ESRRB: variants seen among roughly 807,000 people sequenced by gnomAD.
The protein encoded by ESRRB is estrogen related receptor beta.
A neutral mutation model predicts 46.0 loss-of-function variants in ESRRB; 16 were observed. The ratio of observed to expected loss-of-function variants is 0.35; its 90% CI spans 0.24 to 0.53. The LOEUF is 0.53. Ranked by LOEUF, ESRRB falls within the 20% of genes least tolerant of loss-of-function variation. The pLI, the probability that ESRRB is intolerant of heterozygous loss-of-function variation, is 0.93. For synonymous variants in ESRRB, 246 were observed against 259.6 expected (o/e 0.95, Z 0.50); for missense variants, 488 against 607.4 (o/e 0.80, Z 2.07).
intron 1 of ESRRB, among the ~76,000 whole-genome samples, chr14:76,338,299 G>A (rs1388216161): frequency 6.6e-6 from 1 of 152,172 alleles, no homozygotes; most frequent in Admixed American, 6.5e-5. Context: ...CATGGAGCGA[G>A]CACCCAGGCA....
At position 76,376,546 on chromosome 14, in the gene ESRRB, A is replaced by G. The variant is rs1439966926; in HGVS notation, c.50+95A>G. The G allele has an allele frequency of 1.0e-6, 1 of 960,748 alleles. No individual in the cohort carries two copies. The highest frequency in any genetic ancestry group is 4.4e-5 in the Admixed American group (1 of 22,906). 59.5% of individuals were successfully genotyped at this position (960,748 alleles called of 1,614,324 possible). A position where few individuals can be genotyped will look rare whatever the true frequency, so the allele number is the denominator to read the frequency against. On this transcript the variant is annotated intron_variant, in intron 1 of 6. Coordinates refer to ENST00000644823, the MANE Select transcript of ESRRB (RefSeq NM_001379180.1). This position sits in a 1 kb window ranked among gnomAD's most constrained non-coding sequence, Gnocchi z 4.1. ...TTCCTTTTCTGCACATTCTTGTGTAAAAGTGGAAGGGACTTCGGGGGGGCA... is the reference window on the plus strand; with the variant it reads ...TTCCTTTTCTGCACATTCTTGTGTAGAAGTGGAAGGGACTTCGGGGGGGCA...
chr14:76,360,775 A>C (rs1217661896), intron 1 of ESRRB, among the ~76,000 whole-genome samples: 1 of 152,276 alleles, frequency 6.6e-6, no homozygotes, highest in Admixed American at 6.5e-5. Context: ...ACAAGACTTA[A>C]CAGTTGATAG....
rs74894758 is a variant in ESRRB, at chr14:76,326,087, C to A, written c.2+15171C>A. Among the ~76,000 whole-genome samples, 5 of 152,338 alleles carry A rather than the reference C, an allele frequency of 3.3e-5. No homozygotes were observed. In the South Asian group the frequency reaches 8.3e-4, roughly 25 times the overall value. ...CATCCACCACTGACTGCAATCATAT[C>A]TGTGCTCAGGGACCCATGCGTTCTC... is the stretch of plus-strand genomic sequence containing the variant. On this transcript the variant is annotated intron_variant, in intron 1 of 6. Transcript: ENST00000512784.
rs919073721 is a variant in ESRRB, at chr14:76,500,533, G to A, written c.*2075G>A. The A allele has an allele frequency of 1.4e-6, 1 of 714,354 alleles. No homozygotes were observed. The highest frequency in any genetic ancestry group is 2.5e-6 in the Non-Finnish European group (1 of 398,002). 44.3% of individuals were successfully genotyped at this position (714,354 alleles called of 1,614,324 possible). A position where few individuals can be genotyped will look rare whatever the true frequency, so the allele number is the denominator to read the frequency against. Reference sequence around the variant, plus strand: ...GCTCCGGAGAAACCTTCACAGTAGAGACCTTGGGGTGTGTGCTTTGGGACT... The same window carrying A: ...GCTCCGGAGAAACCTTCACAGTAGAAACCTTGGGGTGTGTGCTTTGGGACT... On this transcript the variant is annotated 3_prime_UTR_variant, in exon 7 of 7. Transcript: ENST00000644823.
upstream of ESRRB, among the ~76,000 whole-genome samples, chr14:76,374,961 G>T (rs1884712906): frequency 2.0e-5 from 3 of 152,154 alleles, no homozygotes; most frequent in African/African-American, 7.2e-5. Context: ...CCCTCCTGGG[G>T]TTTCTCACAA....
chr14:76,443,379 G>C (rs1302714251), intron 2 of ESRRB, among the ~76,000 whole-genome samples: 4 of 152,256 alleles, frequency 2.6e-5, no homozygotes, highest in Admixed American at 1.3e-4. Flanking sequence ...GTCTGAGTCT[G>C]GGGGAAGGCC....
intron 2 of ESRRB, among the ~76,000 whole-genome samples, chr14:76,444,555 T>G (rs1305356681): frequency 2.6e-5 from 4 of 151,812 alleles, no homozygotes; most frequent in Non-Finnish European, 4.4e-5. Flanking sequence ...GGTTTTTTTT[T>G]GTTTTGTTTT....
At chr14:76,346,805 G>T (rs1445995566) in intron 1 of ESRRB, among the ~76,000 whole-genome samples, 1 of 152,188 alleles carries the variant, frequency 6.6e-6, no homozygotes. Flanking sequence ...GATCCACCAG[G>T]ATTCTGTAAT....
At chr14:76,493,858 CT>C (rs1890321381) in intron 6 of ESRRB, among the ~76,000 whole-genome samples, 1 of 152,238 alleles carries the variant, frequency 6.6e-6, no homozygotes, top group Non-Finnish European at 1.5e-5. Context: ...TTTGCAGGGC[CT>C]ACCCTCCTCT....
chr14:76,441,029 C>G (rs1164887531), intron 2 of ESRRB, among the ~76,000 whole-genome samples: 1 of 152,146 alleles, frequency 6.6e-6, no homozygotes, highest in Non-Finnish European at 1.5e-5. Flanking sequence ...GCCTGGGCGA[C>G]AGAGTGAGAC....
At chr14:76,318,183 G>GAT (rs1883824154) in intron 1 of ESRRB, among the ~76,000 whole-genome samples, 1 of 152,152 alleles carries the variant, frequency 6.6e-6, no homozygotes, top group Non-Finnish European at 1.5e-5. Flanking sequence ...GTCGCACCTA[G>GAT]GCTTGTACGT....
intron 1 of ESRRB, among the ~76,000 whole-genome samples, chr14:76,336,354 C>T (rs1466948318): frequency 6.6e-6 from 1 of 152,190 alleles, no homozygotes; most frequent in Admixed American, 6.5e-5. Flanking sequence ...GTTCTCCTGG[C>T]CCTGTGTGTC....
At chr14:76,440,297 CATTATT>C (rs1201996204) in intron 2 of ESRRB, among the ~76,000 whole-genome samples, 1 of 151,944 alleles carries the variant, frequency 6.6e-6, no homozygotes, top group African/African-American at 2.4e-5. Context: ...AAGACCCCAT[CATTATT>C]ATTATTATTT....
chr14:76,376,160 T>C lies in ESRRB; in HGVS notation c.-242T>C. 1 of 382,192 alleles carries C rather than the reference T, an allele frequency of 2.6e-6. No individual in the cohort carries two copies. Among genetic ancestry groups the C allele is most frequent in the Non-Finnish European group, 4.6e-6 (1 of 216,176 alleles). 23.7% of individuals were successfully genotyped at this position (382,192 alleles called of 1,614,324 possible). Reference sequence around the variant, plus strand: ...CCAAGTCTCTTGTGCCCCAGCCTCCTCCACGGCTTCGCATCCCCTCTGCCC... The same window carrying C: ...CCAAGTCTCTTGTGCCCCAGCCTCCCCCACGGCTTCGCATCCCCTCTGCCC... On this transcript the variant is annotated 5_prime_UTR_variant, in exon 1 of 7. Coordinates refer to ENST00000644823, the MANE Select transcript of ESRRB (RefSeq NM_001379180.1). This position sits in a 1 kb window ranked among gnomAD's most constrained non-coding sequence, Gnocchi z 4.1.
rs1418594877 is a variant in ESRRB at position 76,482,453 on chromosome 14, G to C, written c.689-145G>C. 2.6e-6 allele frequency: 2 copies of C among 776,356 alleles called. No homozygotes were observed. Among genetic ancestry groups the C allele is most frequent in the African/African-American group, 3.4e-5 (2 of 58,128 alleles). The allele number at this position is 776,356 out of a possible 1,614,324, so 48.1% of individuals were successfully genotyped here. A position where few individuals can be genotyped will look rare whatever the true frequency, so the allele number is the denominator to read the frequency against. On this transcript the variant is annotated intron_variant, in intron 4 of 6. Coordinates refer to ENST00000644823, the MANE Select transcript of ESRRB (RefSeq NM_001379180.1). This position sits in a 1 kb window ranked among gnomAD's most constrained non-coding sequence, Gnocchi z 4.3. ...TCACCACTACCAGCAACTTCATGGA[G>C]CCAGAACAGGAGGGGAGATTATAGC...
chr14:76,440,763 G>A (rs778956065), intron 2 of ESRRB, among the ~76,000 whole-genome samples: 14 of 150,244 alleles, frequency 9.3e-5, no homozygotes, highest in Admixed American at 3.3e-4. Context: ...CTCGGGCCAG[G>A]CACACTGGCT....
intron 1 of ESRRB, among the ~76,000 whole-genome samples, chr14:76,400,898 T>C (rs1369898704): frequency 6.6e-6 from 1 of 152,164 alleles, no homozygotes; most frequent in Non-Finnish European, 1.5e-5. Flanking sequence ...GGTCCAGAGA[T>C]ATAAGATTTC....
At chr14:76,386,430 A>T (rs537273655) in intron 1 of ESRRB, among the ~76,000 whole-genome samples, 1 of 149,608 alleles carries the variant, frequency 6.7e-6, no homozygotes. Context: ...AGCCCGAAAG[A>T]TTAATTCTAG....
At chr14:76,437,237 G>T (rs1056033136) in intron 1 of ESRRB, among the ~76,000 whole-genome samples, 1 of 152,082 alleles carries the variant, frequency 6.6e-6, no homozygotes, top group Non-Finnish European at 1.5e-5. Flanking sequence ...TCACCATGTT[G>T]GCCAGGCTGG....
Sources: gnomAD v4.1 joint callset for allele counts (sites outside exome capture counted in the v4.1 genomes callset) on GRCh38, gnomAD v4.1.1 for gene constraint, Gnocchi (gnomAD v3.1) non-coding constraint, MANE v1.5 for transcripts, NCBI Gene and HGNC (gene_info 2026-07-23, HGNC 2026-07-21) for gene names.